The following TEKTL1 variants were observed in gnomAD, a reference collection of about 807,000 sequenced individuals.
TEKTL1 encodes tektin like 1.
At chr19:15,016,557 T>A in the TEKTL1 span, among the ~76,000 whole-genome samples, 6 of 152,208 alleles carry the variant, frequency 3.9e-5, no homozygotes, top group African/African-American at 1.2e-4. Flanking sequence ...AGGGGTTTAA[T>A]TAATATTTGA....
At chr19:15,020,320 AAAT>A in the TEKTL1 span, 2 of 746,330 alleles carry the variant, frequency 2.7e-6, no homozygotes, top group South Asian at 1.9e-5. Flanking sequence ...AAAAAAAAAA[AAAT>A]GAGAGTGTCA....
the TEKTL1 span, among the ~76,000 whole-genome samples, chr19:15,019,367 A>G: frequency 6.6e-6 from 1 of 152,230 alleles, no homozygotes; most frequent in Admixed American, 6.5e-5. Context: ...AATTAAGTGG[A>G]AAAGAATACG....
At chr19:15,022,805 G>A in the TEKTL1 span, 61 of 1,500,620 alleles carry the variant, frequency 4.1e-5, no homozygotes, top group Middle Eastern at 3.5e-4. Context: ...ACCTGGCGCA[G>A]GTGTGCCTTC....
At chr19:15,020,453 C>A in the TEKTL1 span, 1 of 1,611,912 alleles carries the variant, frequency 6.2e-7, no homozygotes. Context: ...CCTCCCCTCC[C>A]CACCCAGACC....
At chr19:15,019,949 A>G in the TEKTL1 span, among the ~76,000 whole-genome samples, 1 of 151,080 alleles carries the variant, frequency 6.6e-6, no homozygotes, top group Non-Finnish European at 1.5e-5. Flanking sequence ...CCTGTGCAAC[A>G]TGTGTCTCAA....
chr19:15,014,271 G>A, the TEKTL1 span, among the ~76,000 whole-genome samples: 2 of 152,198 alleles, frequency 1.3e-5, no homozygotes, highest in African/African-American at 2.4e-5. Context: ...GGGAAGAGCA[G>A]CCAGACTTCA....
chr19:15,021,401 A>G, the TEKTL1 span: 1 of 1,614,232 alleles, frequency 6.2e-7, no homozygotes, highest in Non-Finnish European at 8.5e-7. Flanking sequence ...GTCGAGTCCA[A>G]GGACACCTTG....
At chr19:15,017,849 G>T in the TEKTL1 span, among the ~76,000 whole-genome samples, 2 of 152,180 alleles carry the variant, frequency 1.3e-5, no homozygotes, top group African/African-American at 4.8e-5. Context: ...AAGGAGGCAG[G>T]AGATGTCTGA....
chr19:15,022,896 T>A, the TEKTL1 span: 7 of 1,599,464 alleles, frequency 4.4e-6, no homozygotes, highest in Non-Finnish European at 6.0e-6. Flanking sequence ...CAGTGCCACA[T>A]CACGTACCTG....
chr19:15,021,859 G>C, the TEKTL1 span: 2 of 1,614,070 alleles, frequency 1.2e-6, no homozygotes, highest in Non-Finnish European at 8.5e-7. Context: ...ACAGACCCCT[G>C]GTTCGCATGT....
the TEKTL1 span, among the ~76,000 whole-genome samples, chr19:15,018,516 C>T: frequency 0.12 from 17,949 of 150,458 alleles, 1,284 homozygotes; most frequent in Middle Eastern, 0.16. Context: ...TGAGACAAGC[C>T]TGGACAACAT....
At chr19:15,021,816 C>G in the TEKTL1 span, 1 of 1,614,018 alleles carries the variant, frequency 6.2e-7, no homozygotes, top group Non-Finnish European at 8.5e-7. Context: ...GGTCCTCTGT[C>G]GAAAGTTCAC....
chr19:15,020,012 C>CA, the TEKTL1 span, among the ~76,000 whole-genome samples: 3,480 of 136,526 alleles, frequency 0.025, 93 homozygotes, highest in African/African-American at 0.065. Flanking sequence ...TTACCAGTAT[C>CA]AAAAAAAAAA....
the TEKTL1 span, chr19:15,011,339 C>A: frequency 6.7e-7 from 1 of 1,487,978 alleles, no homozygotes; most frequent in Non-Finnish European, 8.9e-7. Context: ...GCGCAAGGGT[C>A]TGCTTATTAA....
the TEKTL1 span, among the ~76,000 whole-genome samples, chr19:15,012,526 C>G: frequency 6.6e-6 from 1 of 151,794 alleles, no homozygotes; most frequent in Non-Finnish European, 1.5e-5. Context: ...AGGGCCACTA[C>G]ACTTCAGCCT....
chr19:15,014,479 C>T, the TEKTL1 span, among the ~76,000 whole-genome samples: 1 of 151,902 alleles, frequency 6.6e-6, no homozygotes, highest in Non-Finnish European at 1.5e-5. Flanking sequence ...AGGCTGGGAA[C>T]TTGTTTTATT....
At chr19:15,014,176 G>A in the TEKTL1 span, among the ~76,000 whole-genome samples, 2 of 152,130 alleles carry the variant, frequency 1.3e-5, no homozygotes, top group African/African-American at 2.4e-5. Context: ...ACTCTAACAC[G>A]TGCTCCAGCT....
the TEKTL1 span, among the ~76,000 whole-genome samples, chr19:15,016,024 C>T: frequency 6.6e-6 from 1 of 151,110 alleles, no homozygotes; most frequent in Non-Finnish European, 1.5e-5. Flanking sequence ...AGATACAGTA[C>T]TAAATTATAT....
At chr19:15,014,000 G>A in the TEKTL1 span, among the ~76,000 whole-genome samples, 2 of 152,174 alleles carry the variant, frequency 1.3e-5, no homozygotes, top group South Asian at 4.1e-4. Flanking sequence ...CAAACCCTGC[G>A]CAGTCATTGA....
Sources: gnomAD v4.1 joint callset for allele counts (sites outside exome capture counted in the v4.1 genomes callset) on GRCh38, gnomAD v4.1.1 for gene constraint, MANE v1.5 for transcripts, NCBI Gene and HGNC (gene_info 2026-07-23, HGNC 2026-07-21) for gene names.